SPOCK1: variants seen among roughly 807,000 people sequenced by gnomAD.
SPOCK1 encodes testican-1.
SPOCK1 carries 23 observed loss-of-function variants against 55.3 expected under a neutral mutation model. The observed-to-expected ratio is 0.42, with a 90% CI of 0.30 to 0.59. The LOEUF is 0.59. Among genes scored for constraint, SPOCK1 ranks in the 20% least tolerant of loss-of-function variants. The pLI is 0.22. For missense variants in SPOCK1, 499 were observed against 552.5 expected (o/e 0.90, Z 0.97); for synonymous variants, 226 against 221.0 (o/e 1.02, Z -0.20).
At chr5:137,467,511 C>A (rs894613811) in intron 2 of SPOCK1, among the ~76,000 whole-genome samples, 1 of 152,144 alleles carries the variant, frequency 6.6e-6, no homozygotes, top group Admixed American at 6.6e-5. Context: ...AAGCATATAA[C>A]ATAGAAGAGG....
At chr5:137,471,452 TTAA>T in intron 2 of SPOCK1, among the ~76,000 whole-genome samples, 1 of 152,212 alleles carries the variant, frequency 6.6e-6, no homozygotes, top group Non-Finnish European at 1.5e-5. Context: ...GCTGCAAAGG[TTAA>T]ATGGAATACA....
At chr5:137,105,038 G>A (rs989441594) in intron 5 of SPOCK1, among the ~76,000 whole-genome samples, 1 of 152,128 alleles carries the variant, frequency 6.6e-6, no homozygotes, top group Non-Finnish European at 1.5e-5. Flanking sequence ...ATCTGCACAA[G>A]ACTCTTTTCC....
chr5:137,126,066 T>A (rs1337565554), intron 4 of SPOCK1, among the ~76,000 whole-genome samples: 1 of 152,216 alleles, frequency 6.6e-6, no homozygotes, highest in Non-Finnish European at 1.5e-5. Context: ...TGGAGCCTAA[T>A]GTAAGCTGTT....
Position 136,978,502 on chromosome 5 carries a change from G to T in SPOCK1, c.*152C>A. On this transcript the variant is annotated 3_prime_UTR_variant, in exon 11 of 11. Coordinates refer to ENST00000394945, the MANE Select transcript of SPOCK1 (RefSeq NM_004598.4). ...AACATATGCAAAATCAGAATCCTCTGGGAACAAGCAGTTGTCTTCCAAACC... is the reference window on the plus strand; with the variant it reads ...AACATATGCAAAATCAGAATCCTCTTGGAACAAGCAGTTGTCTTCCAAACC... 1.5e-6 allele frequency: 1 copy of T among 653,254 alleles called. No individual in the cohort carries two copies. Among genetic ancestry groups the T allele is most frequent in the Non-Finnish European group, 2.4e-6 (1 of 418,762 alleles). The allele number at this position is 653,254 out of a possible 1,614,324, so 40.5% of individuals were successfully genotyped here.
rs1351576062 is a variant in SPOCK1 at position 137,498,452 on chromosome 5, C to T, written c.107G>A (p.Gly36Asp). 5 of 1,610,642 alleles carry T rather than the reference C, an allele frequency of 3.1e-6. No homozygotes were observed. The highest frequency in any genetic ancestry group is 3.3e-5 in the Admixed American group (2 of 59,886). ...ALAGGAGPNH[G>D]NFLDNDQWLS... ...CCACTGGTCATTGTCTAGGAAATTG[C>T]CGTGGTTGGGGCCCGCGCCTCCGGC... The change falls in exon 2 of 11, where the codon GGC (glycine) becomes GAC (aspartate). Residue 36 changes from glycine (G) to aspartate (D), a missense_variant. Coordinates refer to ENST00000394945, the MANE Select transcript of SPOCK1 (RefSeq NM_004598.4).
chr5:137,251,016 T>G (rs2127106095), intron 3 of SPOCK1, among the ~76,000 whole-genome samples: 1 of 152,276 alleles, frequency 6.6e-6, no homozygotes, highest in Middle Eastern at 3.4e-3. Context: ...CAGCATTTTC[T>G]TAAACTTGAG....
intron 6 of SPOCK1, among the ~76,000 whole-genome samples, chr5:137,028,216 A>G (rs1580714609): frequency 6.6e-6 from 1 of 152,180 alleles, no homozygotes; most frequent in African/African-American, 2.4e-5. Flanking sequence ...AGTAGAAATT[A>G]CAGTATGAGG....
intron 2 of SPOCK1, among the ~76,000 whole-genome samples, chr5:137,325,107 C>T (rs751550864): frequency 1.3e-5 from 2 of 152,122 alleles, no homozygotes; most frequent in South Asian, 2.1e-4. Context: ...TCTGTCTTTC[C>T]GAGAGGAAAG....
At chr5:137,355,289 C>T (rs1750768086) in intron 2 of SPOCK1, among the ~76,000 whole-genome samples, 1 of 151,942 alleles carries the variant, frequency 6.6e-6, no homozygotes, top group African/African-American at 2.4e-5. Context: ...AACTCTTGGG[C>T]TCAAGTGATC....
At chr5:137,005,931 G>A (rs778874165) in intron 6 of SPOCK1, among the ~76,000 whole-genome samples, 2 of 152,070 alleles carry the variant, frequency 1.3e-5, no homozygotes, top group South Asian at 4.1e-4. Flanking sequence ...GACCGAGAAC[G>A]GTCAATACTA....
At chr5:137,158,197 G>A (rs564877224) in intron 3 of SPOCK1, among the ~76,000 whole-genome samples, 3 of 152,310 alleles carry the variant, frequency 2.0e-5, no homozygotes, top group East Asian at 3.9e-4. Flanking sequence ...TTCCATCCCA[G>A]TGACTGTCCA....
intron 3 of SPOCK1, among the ~76,000 whole-genome samples, chr5:137,207,212 C>T (rs1460445766): frequency 3.9e-5 from 6 of 152,186 alleles, no homozygotes; most frequent in Non-Finnish European, 5.9e-5. Context: ...TGTCACCAGC[C>T]GGCACTGCTA....
chr5:137,156,607 T>C (rs1754422481), intron 3 of SPOCK1, among the ~76,000 whole-genome samples: 1 of 152,100 alleles, frequency 6.6e-6, no homozygotes, highest in African/African-American at 2.4e-5. Context: ...AATATACATG[T>C]TGAAAAGGGA....
At chr5:137,177,077 ACG>A (rs1309246035) in intron 3 of SPOCK1, among the ~76,000 whole-genome samples, 1 of 152,190 alleles carries the variant, frequency 6.6e-6, no homozygotes, top group African/African-American at 2.4e-5. Context: ...ATCCCTAGAC[ACG>A]AAAGGAATTA....
chr5:137,005,712 A>G (rs1022217287), intron 6 of SPOCK1, among the ~76,000 whole-genome samples: 2 of 152,134 alleles, frequency 1.3e-5, no homozygotes, highest in African/African-American at 4.8e-5. Flanking sequence ...TGAAGAGGAA[A>G]TAAAGAAGGA....
chr5:137,285,267 G>A (rs983485030), intron 2 of SPOCK1, among the ~76,000 whole-genome samples: 4 of 152,202 alleles, frequency 2.6e-5, no homozygotes, highest in African/African-American at 9.6e-5. Flanking sequence ...CCTGATGACA[G>A]AACTGGAGAA....
chr5:137,267,024 T>C lies in SPOCK1; in HGVS notation c.218A>G (p.Lys73Arg), dbSNP rs765397785. The change falls in exon 3 of 11, where the codon AAG (lysine) becomes AGG (arginine). Residue 73 changes from lysine (K) to arginine (R), a missense_variant. Transcript: ENST00000394945. ...GCATCCATTACCTTGGTCAAAGGGC[T>C]TGTTGGGATTCCAGTTTCTGAAATA... ...DDYFRNWNPN[K>R]PFDQALDPSK... 5.0e-6 allele frequency: 8 copies of C among 1,612,952 alleles called. No homozygotes were observed. In the African/African-American group the frequency reaches 1.1e-4, roughly 22 times the overall value.
chr5:136,991,354 G>T (rs1026868178), intron 7 of SPOCK1, among the ~76,000 whole-genome samples: 1 of 151,392 alleles, frequency 6.6e-6, no homozygotes, highest in East Asian at 2.0e-4. Flanking sequence ...TAAGGTAAAA[G>T]ATCCCAACTA....
chr5:137,064,760 A>G (rs975734443), intron 6 of SPOCK1, among the ~76,000 whole-genome samples: 9 of 152,214 alleles, frequency 5.9e-5, no homozygotes, highest in Admixed American at 2.0e-4. Flanking sequence ...TGAGAGCTGC[A>G]TGGAAAGAGG....
Sources: allele counts gnomAD v4.1 joint callset (sites outside exome capture counted in the v4.1 genomes callset), GRCh38; gene constraint gnomAD v4.1.1; transcripts MANE v1.5; gene names NCBI Gene and HGNC (gene_info 2026-07-23, HGNC 2026-07-21).